Variants in GBP2 observed in about 807,000 individuals in gnomAD.
GBP2 encodes the protein guanylate binding protein 2.
Under a neutral mutation model 60.8 loss-of-function variants are expected in GBP2, and 54 were observed. The observed-to-expected ratio is 0.89, with a 90% CI of 0.71 to 1.11. GBP2 has a LOEUF of 1.11. Among genes scored for constraint, GBP2 ranks in the 50% most tolerant of loss-of-function variants. The pLI, the probability that GBP2 is intolerant of heterozygous loss-of-function variation, is 0.00. For missense variants in GBP2, 665 were observed against 703.3 expected (o/e 0.95, Z 0.62); for synonymous variants, 243 against 256.5 (o/e 0.95, Z 0.50).
In GBP2 at chr1:89,109,865, G is replaced by C; in HGVS notation, c.1471C>G (p.Arg491Gly). Residue 491 changes from arginine to glycine, a missense_variant, in exon 10 of 11, where the codon CGT becomes GGT. Physicochemically the swap from Arg to Gly is moderately radical, Grantham distance 125. Transcript: ENST00000370466. ...SEKEKAIEVE[R>G]IKAESAEAAK... ...GCTTCTGCAGATTCAGCCTTTATAC[G>C]TTCCACTGTGGAAGAAAAATAAGCA... is the stretch of plus-strand genomic sequence containing the variant. 1.2e-6 allele frequency: 2 copies of C among 1,608,192 alleles called. No homozygotes were observed. Among genetic ancestry groups the C allele is most frequent in the African/African-American group, 2.7e-5 (2 of 74,598 alleles).
intron 5 of GBP2, 58 bp from the exon 6 acceptor site, chr1:89,117,292 C>A: frequency 1.4e-6 from 2 of 1,421,532 alleles, no homozygotes; most frequent in South Asian, 1.2e-5. Context: ...CAAATATGAT[C>A]TTTCAATTTT....
chr1:89,109,141 C>T (rs1258020486), intron 10 of GBP2, among the ~76,000 whole-genome samples: 1 of 151,972 alleles, frequency 6.6e-6, no homozygotes, highest in Admixed American at 6.5e-5. Flanking sequence ...GTGATCCGCC[C>T]CCGTCGGCCT....
intron 2 of GBP2, 44 bp from the exon 3 acceptor site, chr1:89,121,314 G>GC: frequency 6.6e-7 from 1 of 1,519,618 alleles, no homozygotes; most frequent in Non-Finnish European, 8.9e-7. Flanking sequence ...TACTTAGTAG[G>GC]TGTTTCTGGA....
chr1:89,122,123 T>G (rs1022000043), intron 1 of GBP2, 140 bp from the exon 2 acceptor site: 2 of 522,164 alleles, frequency 3.8e-6, no homozygotes, highest in African/African-American at 3.9e-5. Flanking sequence ...GGTTTCTCTT[T>G]AAGGCTGTCT....
rs148854306 is a variant in GBP2 at position 89,106,220 on chromosome 1, C to T, written c.*1955G>A. On this transcript the variant is annotated 3_prime_UTR_variant, in exon 11 of 11. Coordinates refer to ENST00000370466, the MANE Select transcript of GBP2 (RefSeq NM_004120.5). ...ATGAACAAACAGGAAAGAAATGTTC[C>T]GATTAAGTAAAAGGGGAATTGTAAG... 2.0e-5 allele frequency: 3 copies of T among 151,882 alleles called. No individual in the cohort carries two copies. Among genetic ancestry groups the T allele is most frequent in the East Asian group, 1.9e-4 (1 of 5,174 alleles). The allele number at this position is 151,882 out of a possible 1,614,324, so 9.4% of individuals were successfully genotyped here. A position where few individuals can be genotyped will look rare whatever the true frequency, so the allele number is the denominator to read the frequency against.
chr1:89,125,572 T>C (rs1016008698), intron 1 of GBP2, among the ~76,000 whole-genome samples: 15 of 152,180 alleles, frequency 9.9e-5, no homozygotes, highest in Non-Finnish European at 1.2e-4. Flanking sequence ...CAATAATGAA[T>C]GTGATGGAGC....
intron 10 of GBP2, 148 bp from the exon 11 acceptor site, chr1:89,108,439 AT>A: frequency 4.1e-6 from 2 of 489,550 alleles, no homozygotes; most frequent in Non-Finnish European, 3.6e-6. Context: ...TTTTTCTATG[AT>A]TTTTTTAGCT....
chr1:89,112,621 A>C lies in GBP2; in HGVS notation c.1213T>G (p.Cys405Gly), dbSNP rs2100612996. 1 of 1,614,186 alleles carries C rather than the reference A, an allele frequency of 6.2e-7. No homozygotes were observed. Among genetic ancestry groups the C allele is most frequent in the Non-Finnish European group, 8.5e-7 (1 of 1,180,026 alleles). Residue 405 changes from cysteine to glycine, a missense_variant, in exon 8 of 11, where the codon TGC (cysteine) becomes GGC (glycine). Coordinates refer to ENST00000370466, the MANE Select transcript of GBP2 (RefSeq NM_004120.5). ...AATATATCCTGAAGTAAAGCCATGC[A>C]ACAATCTGATGATGCTTTGGAATTC... ...KQNSKASSDC[C>G]MALLQDIFGP...
At position 89,110,172 on chromosome 1, in the gene GBP2, G is replaced by A. The variant is rs201969713; in HGVS notation, c.1457C>T (p.Ala486Val). ...TDQSLSEKEK[A>V]IEVERIKAES... The stretch of plus-strand genomic sequence containing the variant: ...TTTTCAGCTGTTCTCACCTTCAATC[G>A]CTTTTTCCTTTTCTGAGAGTGACTG... The change falls in exon 9 of 11, where the codon GCG (alanine) becomes GTG (valine). Residue 486 changes from alanine to valine, a missense_variant. Transcript: ENST00000370466. 7 of 1,611,146 alleles carry A rather than the reference G, an allele frequency of 4.3e-6. No homozygotes were observed. The highest frequency in any genetic ancestry group is 4.5e-5 in the East Asian group (2 of 44,834).
chr1:89,113,405 A>G (rs1304048533), intron 7 of GBP2, among the ~76,000 whole-genome samples: 1 of 152,340 alleles, frequency 6.6e-6, no homozygotes, highest in East Asian at 1.9e-4. Context: ...TGGAAGGGTG[A>G]CAATTGCTGA....
chr1:89,122,970 G>C (rs1459894767), intron 1 of GBP2, among the ~76,000 whole-genome samples: 2 of 151,980 alleles, frequency 1.3e-5, no homozygotes, highest in African/African-American at 4.8e-5. Flanking sequence ...AGTTGTATCA[G>C]TGTAGATCTA....
rs1054517125 is a variant in GBP2, at chr1:89,112,954, G to A, written c.1150-270C>T. The A allele has an allele frequency of 7.0e-5, 32 of 454,034 alleles. No homozygotes were observed. In the Admixed American group the frequency reaches 8.7e-4, roughly 12 times the overall value. 28.1% of individuals were successfully genotyped at this position (454,034 alleles called of 1,614,324 possible). ...TCAAAGCACATACACTATTTCATAC[G>A]AAACTTTTATCTTTCCAAGTCTCTC... On this transcript the variant is annotated intron_variant, in intron 7 of 10. Coordinates refer to ENST00000370466, the MANE Select transcript of GBP2 (RefSeq NM_004120.5).
rs977370721 is a variant in GBP2, at chr1:89,106,241, G to T, written c.*1934C>A. The stretch of plus-strand genomic sequence containing the variant: ...GTTCCGATTAAGTAAAAGGGGAATT[G>T]TAAGAAAGAATAAAGTTGCTTTTTG... On this transcript the variant is annotated 3_prime_UTR_variant, in exon 11 of 11. Transcript: ENST00000370466. The T allele has an allele frequency of 6.6e-5, 10 of 152,250 alleles. No homozygotes were observed. The highest frequency in any genetic ancestry group is 3.9e-4 in the East Asian group (2 of 5,184). The allele number at this position is 152,250 out of a possible 1,614,324, so 9.4% of individuals were successfully genotyped here. A position where few individuals can be genotyped will look rare whatever the true frequency, so the allele number is the denominator to read the frequency against.
At chr1:89,123,350 C>A (rs79087203) in intron 1 of GBP2, among the ~76,000 whole-genome samples, 2,978 of 152,252 alleles carry the variant, frequency 0.02, 38 homozygotes, top group Middle Eastern at 0.065. Flanking sequence ...ATACACACAT[C>A]TACATTTATT....
chr1:89,116,790 TA>T (rs57905524), intron 6 of GBP2, among the ~76,000 whole-genome samples: 8,670 of 151,754 alleles, frequency 0.057, 798 homozygotes, highest in African/African-American at 0.2. Flanking sequence ...TTTCTTTTTT[TA>T]TTCTCCTTGC....
rs1394507322 is a variant in GBP2, at chr1:89,107,651, C to G, written c.*524G>C. Among the ~76,000 whole-genome samples, 3 of 152,164 alleles carry G rather than the reference C, an allele frequency of 2.0e-5. No individual in the cohort carries two copies. The highest frequency in any genetic ancestry group is 7.2e-5 in the African/African-American group (3 of 41,434). Reference sequence around the variant, plus strand: ...TGTCCCAGATCTCCTTTATTTGCAGCCAGCATGCCATACAAAGACCACTTG... The same window carrying G: ...TGTCCCAGATCTCCTTTATTTGCAGGCAGCATGCCATACAAAGACCACTTG... On this transcript the variant is annotated 3_prime_UTR_variant, in exon 11 of 11. Coordinates refer to ENST00000370466, the MANE Select transcript of GBP2 (RefSeq NM_004120.5).
chr1:89,122,006 A>T, intron 1 of GBP2, 23 bp from the exon 2 acceptor site: 1 of 1,541,236 alleles, frequency 6.5e-7, no homozygotes, highest in Non-Finnish European at 8.8e-7. Flanking sequence ...GAAAAAGATG[A>T]AATGGAAAGC....
intron 6 of GBP2, among the ~76,000 whole-genome samples, chr1:89,116,564 T>C (rs1681277335): frequency 6.6e-6 from 1 of 152,112 alleles, no homozygotes; most frequent in Non-Finnish European, 1.5e-5. Flanking sequence ...TTATACTCAG[T>C]GGTTGGTACA....
intron 4 of GBP2, 22 bp downstream of exon 4, chr1:89,120,157 T>C (rs1489365236): frequency 1.3e-6 from 2 of 1,564,228 alleles, no homozygotes. Context: ...TTACTGCTGT[T>C]CTGGACCACA....
Sources: allele counts gnomAD v4.1 joint callset (sites outside exome capture counted in the v4.1 genomes callset), GRCh38; gene constraint gnomAD v4.1.1; transcripts MANE v1.5; gene names NCBI Gene and HGNC (gene_info 2026-07-23, HGNC 2026-07-21).